Variants in FAM221A observed in about 807,000 individuals in gnomAD.
FAM221A encodes the protein protein FAM221A.
In FAM221A, 43 loss-of-function variants were observed where a neutral mutation model predicts 37.6. The ratio of observed to expected loss-of-function variants is 1.15; its 90% confidence interval spans 0.90 to 1.48. FAM221A has a LOEUF of 1.48. Ranked by LOEUF, FAM221A falls within the 40% of genes most tolerant of loss-of-function variation. The pLI, the probability that FAM221A is intolerant of heterozygous loss-of-function variation, is 0.00. For missense variants in FAM221A, 361 were observed against 361.5 expected, an observed-to-expected ratio of 1.00 and a Z score of 0.01; for synonymous variants, 135 against 132.9, an observed-to-expected ratio of 1.02 and a Z score of -0.11.
intron 3 of FAM221A, among the ~76,000 whole-genome samples, chr7:23,690,681 T>C (rs1584267630): frequency 6.6e-6 from 1 of 152,312 alleles, no homozygotes; most frequent in Non-Finnish European, 1.5e-5. Flanking sequence ...TAATATATAA[T>C]CAGCATGAAT....
intron 4 of FAM221A, 128 bp from the exon 5 acceptor site, chr7:23,698,064 A>AT (rs961884200): frequency 0.01 from 5,405 of 520,592 alleles, no homozygotes; most frequent in Middle Eastern, 0.012. Flanking sequence ...CCAGTCTAAA[A>AT]TTTTTTTTTT....
At chr7:23,698,448 A>C in intron 5 of FAM221A, 149 bp downstream of exon 5, 2 of 588,344 alleles carry the variant, frequency 3.4e-6, no homozygotes, top group Admixed American at 3.6e-5. Context: ...TATGTAAGCC[A>C]CACACTGAGA....
rs1372399594 is a variant in FAM221A at position 23,700,908 on chromosome 7, T to C, written c.828+40T>C. The C allele has an allele frequency of 2.3e-6, 3 of 1,277,360 alleles. No homozygotes were observed. The East Asian group carries it at 7.0e-5, about 30-fold the overall frequency. 79.1% of individuals were successfully genotyped at this position (1,277,360 alleles called of 1,614,324 possible). A position where few individuals can be genotyped will look rare whatever the true frequency, so the allele number is the denominator to read the frequency against. On this transcript the variant is annotated intron_variant, in intron 6 of 6. Coordinates refer to ENST00000344962, the MANE Select transcript of FAM221A (RefSeq NM_199136.5). ...AAATTCAGTTGCACTAAGCATTTAC[T>C]TGTAGCAAAAGCACTAGAATGATTA...
chr7:23,701,953 C>CT (rs1480673993), intron 6 of FAM221A, 143 bp from the exon 7 acceptor site: 2 of 435,818 alleles, frequency 4.6e-6, no homozygotes, highest in East Asian at 7.1e-5. Context: ...AATTATGTCC[C>CT]TTTAACAGAT....
intron 3 of FAM221A, 43 bp from the exon 4 acceptor site, chr7:23,691,347 A>G (rs1562522941): frequency 2.5e-6 from 4 of 1,593,584 alleles, no homozygotes; most frequent in East Asian, 2.2e-5. Context: ...GGTAGACAAC[A>G]TAGTACCTTT....
chr7:23,702,994 T>C (rs1426971294), downstream of FAM221A: 1 of 152,192 alleles, frequency 6.6e-6, no homozygotes, highest in African/African-American at 2.4e-5. Flanking sequence ...GGGGAGCTAG[T>C]GACTTTGGGG....
At chr7:23,690,648 A>G (rs991804218) in intron 3 of FAM221A, among the ~76,000 whole-genome samples, 13 of 152,190 alleles carry the variant, frequency 8.5e-5, no homozygotes, top group Non-Finnish European at 1.8e-4. Flanking sequence ...TAACCTATTT[A>G]AAATGTGCAG....
At chr7:23,699,114 A>ATTT (rs1562529465) in intron 5 of FAM221A, among the ~76,000 whole-genome samples, 1 of 144,746 alleles carries the variant, frequency 6.9e-6, no homozygotes, top group African/African-American at 2.7e-5. Flanking sequence ...CCAATGCTGG[A>ATTT]ATTTTTTTTT....
At chr7:23,699,503 G>T (rs946535433) in intron 5 of FAM221A, among the ~76,000 whole-genome samples, 3 of 145,814 alleles carry the variant, frequency 2.1e-5, no homozygotes, top group African/African-American at 7.5e-5. Flanking sequence ...AAATACAGCA[G>T]ACAGTTGCTT....
rs1784250475 is a variant in FAM221A at position 23,684,497 on chromosome 7, A to G, written c.66-2A>G. The stretch of plus-strand genomic sequence containing the variant: ...TAAGAGAAATATATATTTTTGTTGT[A>G]GAATTGTTGGTGAGGATGATGGAGG... On this transcript the variant is annotated splice_acceptor_variant, in intron 1 of 6. Transcript: ENST00000344962. LOFTEE classifies it high-confidence loss of function. The G allele has an allele frequency of 3.8e-6, 6 of 1,576,850 alleles. No individual in the cohort carries two copies. Among genetic ancestry groups the G allele is most frequent in the African/African-American group, 1.4e-5 (1 of 70,622 alleles).
At position 23,701,236 on chromosome 7, in the gene FAM221A, C is replaced by CTTTTTTTT. The variant is rs1283939718; in HGVS notation, c.828+369_828+370insTTTTTTTT. 2.7e-5 allele frequency among the ~76,000 whole-genome samples: 2 copies of CTTTTTTTT among 72,746 alleles called. 1 individual carries two copies. 47.7% of individuals were successfully genotyped at this position (72,746 alleles called of 152,430 possible). A position where few individuals can be genotyped will look rare whatever the true frequency, so the allele number is the denominator to read the frequency against. On this transcript the variant is annotated intron_variant, in intron 6 of 6. Transcript: ENST00000344962. ...ATAAAGATTGAATATATTTTGAATTCTCTTTTTTTTTTTTTTTTTTTGAGA... is the reference window on the plus strand; with the variant it reads ...ATAAAGATTGAATATATTTTGAATTCTTTTTTTTTCTTTTTTTTTTTTTTTTTTTGAGA...
At chr7:23,686,506 C>G (rs1161426551) in intron 2 of FAM221A, 1 of 287,608 alleles carries the variant, frequency 3.5e-6, no homozygotes, top group African/African-American at 2.3e-5. Flanking sequence ...CTTAAGTTAT[C>G]TGTCTACCTC....
At position 23,680,225 on chromosome 7, in the gene FAM221A, C is replaced by T. The variant is rs1251623579; in HGVS notation, c.7C>T (p.Arg3Trp). Residue 3 changes from arginine (R) to tryptophan (W), a missense_variant, in exon 1 of 7, where the codon CGG (arginine) becomes TGG (tryptophan). Transcript: ENST00000344962. ME[R>W]LTLPLGGAAA... ...TTTGGCTTCCCCACCGGCAATGGAG[C>T]GGTTGACGTTGCCTCTCGGCGGCGC... The T allele has an allele frequency of 1.9e-6, 3 of 1,549,442 alleles. No individual in the cohort carries two copies. Among genetic ancestry groups the T allele is most frequent in the South Asian group, 1.2e-5 (1 of 83,982 alleles).
At position 23,696,052 on chromosome 7, in the gene FAM221A, C is replaced by T. The variant is rs377316776; in HGVS notation, c.638-2140C>T. ...GGAAAATGCATTGTTAGTTGATGTT[C>T]GTTATGTGAACATCATAGAGTGTAC... On this transcript the variant is annotated intron_variant, in intron 4 of 6. Coordinates refer to ENST00000344962, the MANE Select transcript of FAM221A (RefSeq NM_199136.5). 1.2e-4 allele frequency among the ~76,000 whole-genome samples: 19 copies of T among 152,214 alleles called. 1 individual carries two copies. In the South Asian group the frequency reaches 3.3e-3, roughly 27 times the overall value.
Position 23,682,303 on chromosome 7 carries a change from C to A in FAM221A, c.65+2020C>A, listed in dbSNP as rs1584246229. On this transcript the variant is annotated intron_variant, in intron 1 of 6. Coordinates refer to ENST00000344962, the MANE Select transcript of FAM221A (RefSeq NM_199136.5). ...CTCATCTTGAGATCCTGGCCTCAAG[C>A]AATCCTCCCACCTCAGCCTCCCAAA... is the stretch of plus-strand genomic sequence containing the variant. 7.9e-5 allele frequency among the ~76,000 whole-genome samples: 12 copies of A among 151,538 alleles called. No homozygotes were observed. In the South Asian group the frequency reaches 2.5e-3, roughly 32 times the overall value.
chr7:23,686,758 G>GTT (rs34749823), intron 2 of FAM221A: 110 of 146,320 alleles, frequency 7.5e-4, no homozygotes, highest in Non-Finnish European at 1.2e-3. Flanking sequence ...CCAGCTGCTA[G>GTT]TTTTTTTTTT....
intron 5 of FAM221A, among the ~76,000 whole-genome samples, chr7:23,700,275 T>C (rs1489308809): frequency 6.6e-6 from 1 of 152,228 alleles, no homozygotes; most frequent in Non-Finnish European, 1.5e-5. Flanking sequence ...GAAAACCAGA[T>C]GTTTTCCTAC....
chr7:23,698,067 T>C, intron 4 of FAM221A, 125 bp from the exon 5 acceptor site: 1 of 617,152 alleles, frequency 1.6e-6, no homozygotes, highest in South Asian at 2.2e-5. Context: ...GTCTAAAATT[T>C]TTTTTTTATA....
chr7:23,682,265 T>C (rs990896911), intron 1 of FAM221A, among the ~76,000 whole-genome samples: 6 of 151,510 alleles, frequency 4.0e-5, no homozygotes, highest in African/African-American at 1.5e-4. Flanking sequence ...GGGATCTCAC[T>C]AGGATGCCCA....
Sources: gnomAD v4.1 joint callset for allele counts (sites outside exome capture counted in the v4.1 genomes callset) on GRCh38, gnomAD v4.1.1 for gene constraint, MANE v1.5 for transcripts, NCBI Gene and HGNC (gene_info 2026-07-23, HGNC 2026-07-21) for gene names.